The following ARHGAP22 variants were observed in gnomAD, a reference collection of about 807,000 sequenced individuals.
ARHGAP22 encodes rho GTPase-activating protein 22.
Under a neutral mutation model 59.1 loss-of-function variants are expected in ARHGAP22, and 48 were observed. That is an observed-to-expected ratio of 0.81 (90% CI 0.64 to 1.03). The LOEUF (loss-of-function observed/expected upper bound fraction) is 1.03. ARHGAP22 is among the 50% of genes least tolerant of loss of function. The pLI, the probability that ARHGAP22 is intolerant of heterozygous loss-of-function variation, is 0.00. For synonymous variants in ARHGAP22, 445 were observed against 416.4 expected, an observed-to-expected ratio of 1.07 and a Z score of -0.84; for missense variants, 1,015 against 958.7, an observed-to-expected ratio of 1.06 and a Z score of -0.78.
At chr10:48,654,957 CTCCT>C (rs145407409), upstream of ARHGAP22, among the ~76,000 whole-genome samples, 37 of 103,784 alleles carry the variant, frequency 3.6e-4, no homozygotes, top group African/African-American at 9.2e-4. Flanking sequence ...TTCTCTCTTT[CTCCT>C]TCCTTCCTTC....
chr10:48,466,213 C>G (rs2047655611), intron 4 of ARHGAP22, among the ~76,000 whole-genome samples: 1 of 151,998 alleles, frequency 6.6e-6, no homozygotes, highest in Non-Finnish European at 1.5e-5. Context: ...AGGCTCGGAT[C>G]CCGCTGTGTC....
chr10:48,432,738 T>C, the ARHGAP22 span, among the ~76,000 whole-genome samples: 1 of 152,218 alleles, frequency 6.6e-6, no homozygotes, highest in African/African-American at 2.4e-5. Context: ...TTTGTATTTG[T>C]TCTTAATTTG....
chr10:48,453,024 C>T (rs2046134880), intron 8 of ARHGAP22, among the ~76,000 whole-genome samples: 2 of 152,246 alleles, frequency 1.3e-5, no homozygotes, highest in Non-Finnish European at 2.9e-5. Flanking sequence ...CAGCCTCTTC[C>T]ATCCACAGAA....
At chr10:48,509,625 T>C (rs2052543424) in intron 3 of ARHGAP22, among the ~76,000 whole-genome samples, 1 of 152,044 alleles carries the variant, frequency 6.6e-6, no homozygotes, top group Admixed American at 6.6e-5. Flanking sequence ...CTTCCGGGGC[T>C]CCACAGCCTC....
At chr10:48,440,122 CT>C in the ARHGAP22 span, among the ~76,000 whole-genome samples, 28,185 of 150,134 alleles carry the variant, frequency 0.19, 2,866 homozygotes, top group South Asian at 0.29. Context: ...AATTTAGGTA[CT>C]TTTTTTTTTT....
chr10:48,485,481 G>C (rs890136398), intron 3 of ARHGAP22, among the ~76,000 whole-genome samples: 3 of 152,062 alleles, frequency 2.0e-5, no homozygotes, highest in African/African-American at 7.3e-5. Context: ...GCTGTGGTTG[G>C]GTGGAGTGTC....
At chr10:48,577,197 G>C (rs1202050406) in intron 2 of ARHGAP22, among the ~76,000 whole-genome samples, 1 of 151,918 alleles carries the variant, frequency 6.6e-6, no homozygotes, top group Non-Finnish European at 1.5e-5. Context: ...CTGACTTCTG[G>C]GGATCGGTTC....
intron 2 of ARHGAP22, among the ~76,000 whole-genome samples, chr10:48,561,020 T>A (rs947536156): frequency 6.6e-6 from 1 of 152,112 alleles, no homozygotes. Flanking sequence ...ATAAAATACA[T>A]TGGAAAGTAT....
At chr10:48,622,532 A>T (rs755357109) in intron 1 of ARHGAP22, among the ~76,000 whole-genome samples, 16 of 152,160 alleles carry the variant, frequency 1.1e-4, no homozygotes, top group Non-Finnish European at 1.6e-4. Context: ...ATGTTTCATG[A>T]TCAAATCAGG....
Position 48,450,842 on chromosome 10 carries a change from C to A in ARHGAP22, c.1287G>T (p.Lys429Asn). 6.3e-7 allele frequency: 1 copy of A among 1,590,336 alleles called. No individual in the cohort carries two copies. Among genetic ancestry groups the A allele is most frequent in the South Asian group, 1.2e-5 (1 of 86,398 alleles). The stretch of plus-strand genomic sequence containing the variant: ...GGGACCTCGGCTGCCGGAAGGAGGA[C>A]TTCCAACTGGGCAGGGTCTGCACCT... ...GKKVQTLPSW[K>N]SSFRQPRSLS... Residue 429 changes from lysine (K) to asparagine (N), a missense_variant, in exon 9 of 10, where the codon AAG becomes AAT. Coordinates refer to ENST00000249601, the MANE Select transcript of ARHGAP22 (RefSeq NM_021226.4).
intron 2 of ARHGAP22, among the ~76,000 whole-genome samples, chr10:48,564,209 T>G (rs2057898510): frequency 6.6e-6 from 1 of 152,152 alleles, no homozygotes; most frequent in South Asian, 2.1e-4. Context: ...CAAAAATGGA[T>G]GCATAACAAT....
At chr10:48,591,569 G>A (rs1375476470) in intron 1 of ARHGAP22, among the ~76,000 whole-genome samples, 1 of 152,114 alleles carries the variant, frequency 6.6e-6, no homozygotes, top group Non-Finnish European at 1.5e-5. Context: ...ATTTAGATAG[G>A]TACTTTTTTT....
chr10:48,584,352 C>T (rs1160974239), intron 1 of ARHGAP22, among the ~76,000 whole-genome samples: 2 of 152,196 alleles, frequency 1.3e-5, no homozygotes, highest in East Asian at 3.9e-4. Flanking sequence ...CTCTTCCATC[C>T]ATACCCTGGC....
Position 48,643,762 on chromosome 10 carries a change from A to T in ARHGAP22, c.52+8472T>A, listed in dbSNP as rs571618770. The stretch of plus-strand genomic sequence containing the variant: ...AACTTAAAGTATAATTAAAAAAAAA[A>T]AAATATATATATATATATATGCCAC... On this transcript the variant is annotated intron_variant, in intron 1 of 9. Coordinates refer to the ARHGAP22 transcript ENST00000435790. Among the ~76,000 whole-genome samples the T allele has an allele frequency of 9.9e-3, 1,434 of 144,216 alleles. 16 individuals carry two copies. The highest frequency in any genetic ancestry group is 0.023 in the African/African-American group (887 of 38,366). 94.6% of individuals were successfully genotyped at this position (144,216 alleles called of 152,430 possible). A position where few individuals can be genotyped will look rare whatever the true frequency, so the allele number is the denominator to read the frequency against.
the ARHGAP22 span, among the ~76,000 whole-genome samples, chr10:48,439,633 G>C: frequency 6.6e-6 from 1 of 152,268 alleles, no homozygotes; most frequent in African/African-American, 2.4e-5. Flanking sequence ...AGACATATGA[G>C]AGAACAGCCA....
chr10:48,483,017 A>C (rs2049481142), intron 3 of ARHGAP22, among the ~76,000 whole-genome samples: 1 of 151,986 alleles, frequency 6.6e-6, no homozygotes, highest in South Asian at 2.1e-4. Flanking sequence ...TCCTACATAT[A>C]AGTGAGAACA....
upstream of ARHGAP22, among the ~76,000 whole-genome samples, chr10:48,606,293 G>C (rs1008678001): frequency 2.0e-5 from 3 of 152,144 alleles, no homozygotes; most frequent in Admixed American, 6.5e-5. Flanking sequence ...CACTGTGGCA[G>C]TCCTCCCTAG....
At chr10:48,654,941 CTT>C (rs1165535578), upstream of ARHGAP22, among the ~76,000 whole-genome samples, 1 of 104,150 alleles carries the variant, frequency 9.6e-6, no homozygotes, top group East Asian at 2.7e-4. Flanking sequence ...TTCTCTCTCT[CTT>C]TCTTTCTCTC....
chr10:48,474,015 G>A (rs1589603088), intron 4 of ARHGAP22, among the ~76,000 whole-genome samples: 3 of 152,212 alleles, frequency 2.0e-5, no homozygotes, highest in East Asian at 1.9e-4. Context: ...TGAACTGGGC[G>A]TGGAAGTTCA....
Sources: allele counts gnomAD v4.1 joint callset (sites outside exome capture counted in the v4.1 genomes callset), GRCh38; gene constraint gnomAD v4.1.1; transcripts MANE v1.5; gene names NCBI Gene and HGNC (gene_info 2026-07-23, HGNC 2026-07-21).